Variants in CDH12 observed in about 807,000 individuals in gnomAD.
The protein encoded by CDH12 is cadherin-12.
A neutral mutation model predicts 74.1 loss-of-function variants in CDH12; 41 were observed. The observed-to-expected ratio is 0.55, with a 90% CI of 0.43 to 0.72. CDH12 has a LOEUF of 0.72. CDH12 is among the 30% of genes least tolerant of loss of function. The probability of loss-of-function intolerance (pLI) is 0.00; values close to 1 mark genes in which losing one functional copy is unlikely to be tolerated. For missense variants in CDH12, 945 were observed against 977.2 expected (o/e 0.97, Z 0.44); for synonymous variants, 399 against 355.0 (o/e 1.12, Z -1.39).
chr5:22,267,024 T>C (rs921614249), intron 3 of CDH12, among the ~76,000 whole-genome samples: 5 of 152,150 alleles, frequency 3.3e-5, no homozygotes, highest in Non-Finnish European at 7.4e-5. Flanking sequence ...ATTGTGTACA[T>C]TTTTGAAGCT....
At chr5:22,430,721 A>T (rs1189373580) in intron 2 of CDH12, among the ~76,000 whole-genome samples, 1 of 152,190 alleles carries the variant, frequency 6.6e-6, no homozygotes, top group Non-Finnish European at 1.5e-5. Context: ...TATACAATAG[A>T]AATATTGGCC....
chr5:22,270,443 A>G lies in CDH12; in HGVS notation c.-332-57800T>C, dbSNP rs578193488. The stretch of plus-strand genomic sequence containing the variant: ...ACCCCATCTCTACTAAAAATACAAA[A>G]AATTAGCCAGGCATGGCGGCACATG... On this transcript the variant is annotated intron_variant, in intron 3 of 14. Transcript: ENST00000382254. Among the ~76,000 whole-genome samples the G allele has an allele frequency of 3.3e-5, 5 of 151,920 alleles. No homozygotes were observed. The East Asian group carries it at 9.8e-4, about 30-fold the overall frequency.
rs367797978 is a variant in CDH12 at position 21,804,640 on chromosome 5, T to TA, written c.1003-2221dup. Among the ~76,000 whole-genome samples the TA allele has an allele frequency of 5.6e-5, 5 of 89,176 alleles. No homozygotes were observed. In the South Asian group the frequency reaches 1.2e-3, roughly 22 times the overall value. 58.5% of individuals were successfully genotyped at this position (89,176 alleles called of 152,430 possible). Reference sequence around the variant, plus strand: ...TAAATAAAATCATTCTATAGTGAATTAAAACACACACACACACACACACAC... The same window carrying TA: ...TAAATAAAATCATTCTATAGTGAATTAAAAACACACACACACACACACACAC... On this transcript the variant is annotated intron_variant, in intron 9 of 14. Coordinates refer to ENST00000382254, the MANE Select transcript of CDH12 (RefSeq NM_004061.5).
intron 4 of CDH12, among the ~76,000 whole-genome samples, chr5:22,115,559 C>T (rs1745040435): frequency 6.6e-6 from 1 of 152,048 alleles, no homozygotes; most frequent in African/African-American, 2.4e-5. Context: ...TTATGTGATG[C>T]ATGTTGCGTT....
At chr5:22,720,789 G>T (rs1169408659) in intron 1 of CDH12, among the ~76,000 whole-genome samples, 5 of 152,136 alleles carry the variant, frequency 3.3e-5, no homozygotes, top group African/African-American at 1.2e-4. Flanking sequence ...ATTGGGAAGT[G>T]GAACAAAGGT....
chr5:21,805,896 G>C (rs559912099), intron 9 of CDH12, among the ~76,000 whole-genome samples: 1 of 152,226 alleles, frequency 6.6e-6, no homozygotes, highest in Non-Finnish European at 1.5e-5. Context: ...ATGGCTTGGA[G>C]CCCATTTAAT....
chr5:22,131,986 A>G (rs1203916029), intron 4 of CDH12, among the ~76,000 whole-genome samples: 1 of 152,130 alleles, frequency 6.6e-6, no homozygotes, highest in Non-Finnish European at 1.5e-5. Context: ...TCTTCCTTAT[A>G]AGAATTTAAA....
chr5:22,168,099 T>C (rs1748793419), intron 4 of CDH12, among the ~76,000 whole-genome samples: 1 of 152,166 alleles, frequency 6.6e-6, no homozygotes. Flanking sequence ...TTTATTTTTC[T>C]TTCTTTTCTC....
At chr5:22,280,831 C>G (rs1736846148) in intron 3 of CDH12, among the ~76,000 whole-genome samples, 1 of 152,124 alleles carries the variant, frequency 6.6e-6, no homozygotes, top group Non-Finnish European at 1.5e-5. Flanking sequence ...TGAGACTATT[C>G]CAATCAATAG....
intron 1 of CDH12, among the ~76,000 whole-genome samples, chr5:22,755,396 G>A (rs908933643): frequency 6.6e-6 from 1 of 152,088 alleles, no homozygotes; most frequent in Non-Finnish European, 1.5e-5. Context: ...TCAGCTTTAT[G>A]AGGCTAATAC....
At chr5:22,061,457 T>C (rs1460696727) in intron 5 of CDH12, among the ~76,000 whole-genome samples, 4 of 152,154 alleles carry the variant, frequency 2.6e-5, no homozygotes, top group Non-Finnish European at 1.5e-5. Context: ...TTGAATGGTA[T>C]AACCATGGCA....
At chr5:22,482,211 T>A (rs1746410464) in intron 2 of CDH12, among the ~76,000 whole-genome samples, 1 of 152,130 alleles carries the variant, frequency 6.6e-6, no homozygotes, top group African/African-American at 2.4e-5. Context: ...ATATTTCAGA[T>A]AAGAAAACCG....
chr5:22,153,889 A>ATGTATAT (rs1561168560), intron 4 of CDH12, among the ~76,000 whole-genome samples: 8 of 42,060 alleles, frequency 1.9e-4, no homozygotes, highest in East Asian at 3.1e-3. Context: ...TATATATATA[A>ATGTATAT]ATATATATAT....
At chr5:22,520,386 T>C (rs1319063796) in intron 1 of CDH12, among the ~76,000 whole-genome samples, 2 of 152,158 alleles carry the variant, frequency 1.3e-5, no homozygotes, top group Non-Finnish European at 2.9e-5. Flanking sequence ...CATTTTTTGA[T>C]AAAACATTTT....
At chr5:22,699,082 C>A (rs537168469) in intron 1 of CDH12, among the ~76,000 whole-genome samples, 1 of 151,966 alleles carries the variant, frequency 6.6e-6, no homozygotes, top group Non-Finnish European at 1.5e-5. Flanking sequence ...ATGCTATAAG[C>A]ACTTACATAG....
At chr5:22,478,070 C>T (rs1481431026) in intron 2 of CDH12, among the ~76,000 whole-genome samples, 1 of 152,056 alleles carries the variant, frequency 6.6e-6, no homozygotes, top group Admixed American at 6.6e-5. Flanking sequence ...GTAACATGTT[C>T]TAAGCAAGGG....
chr5:22,017,678 T>C (rs766686392), intron 5 of CDH12, among the ~76,000 whole-genome samples: 41 of 151,940 alleles, frequency 2.7e-4, no homozygotes, highest in Non-Finnish European at 2.4e-4. Flanking sequence ...AGGGAAAGGG[T>C]TAGAGAGAAA....
intron 1 of CDH12, among the ~76,000 whole-genome samples, chr5:22,776,106 A>G (rs777283127): frequency 2.0e-5 from 3 of 152,152 alleles, no homozygotes; most frequent in Non-Finnish European, 4.4e-5. Flanking sequence ...CTTTGTCAGC[A>G]GCATGAATGC....
intron 1 of CDH12, among the ~76,000 whole-genome samples, chr5:22,835,459 C>T (rs1276686945): frequency 1.3e-5 from 2 of 152,056 alleles, no homozygotes; most frequent in African/African-American, 4.8e-5. Context: ...CAGTCTTCCA[C>T]TTTTAGGAGT....
Sources: allele counts gnomAD v4.1 joint callset (sites outside exome capture counted in the v4.1 genomes callset), GRCh38; gene constraint gnomAD v4.1.1; transcripts MANE v1.5; gene names NCBI Gene and HGNC (gene_info 2026-07-23, HGNC 2026-07-21).